COL4A4: variants seen among roughly 807,000 people sequenced by gnomAD.
COL4A4 encodes the protein collagen type IV alpha 4 chain, also known as collagen alpha-4(IV) chain.
A neutral mutation model predicts 192.9 loss-of-function variants in COL4A4; 105 were observed. That is an observed-to-expected ratio of 0.54 (90% CI 0.46 to 0.64). The LOEUF is 0.64. COL4A4 is among the 30% of genes least tolerant of loss of function. The probability of loss-of-function intolerance (pLI) is 0.00; values close to 1 mark genes in which losing one functional copy is unlikely to be tolerated. For missense variants in COL4A4, 1,967 were observed against 2,169.3 expected (o/e 0.91, Z 1.85); for synonymous variants, 762 against 769.9 (o/e 0.99, Z 0.17).
At chr2:227,111,415 A>T (rs966005714) in intron 9 of COL4A4, among the ~76,000 whole-genome samples, 3 of 152,172 alleles carry the variant, frequency 2.0e-5, no homozygotes, top group Non-Finnish European at 2.9e-5. Context: ...TAGAAGACAG[A>T]AGAGGAAGGC....
At chr2:227,146,416 T>C (rs921348267) in intron 2 of COL4A4, among the ~76,000 whole-genome samples, 1 of 152,232 alleles carries the variant, frequency 6.6e-6, no homozygotes, top group African/African-American at 2.4e-5. Flanking sequence ...CCGTAATTTC[T>C]TGTTCATTAT....
chr2:227,049,936 TAAC>T (rs1429006108), intron 34 of COL4A4, 129 bp downstream of exon 34: 15 of 820,210 alleles, frequency 1.8e-5, no homozygotes, highest in Non-Finnish European at 2.7e-5. Flanking sequence ...TTTGACTGTC[TAAC>T]AAGAGCCCCT....
At chr2:227,076,169 C>T (rs2059015198) in intron 25 of COL4A4, among the ~76,000 whole-genome samples, 1 of 152,022 alleles carries the variant, frequency 6.6e-6, no homozygotes, top group Non-Finnish European at 1.5e-5. Context: ...CAAAAAAGAG[C>T]CCATATAGCC....
At chr2:226,991,173 T>G in the COL4A4 span, among the ~76,000 whole-genome samples, 1 of 152,138 alleles carries the variant, frequency 6.6e-6, no homozygotes, top group Non-Finnish European at 1.5e-5. Flanking sequence ...AAGTCACTGG[T>G]TTTGTCATTT....
the COL4A4 span, among the ~76,000 whole-genome samples, chr2:226,973,161 G>C: frequency 1.5e-4 from 23 of 152,126 alleles, no homozygotes; most frequent in Admixed American, 4.6e-4. Context: ...GTGTGTATGT[G>C]TGTGTACGGA....
In COL4A4 at chr2:227,089,944, A is replaced by G; in HGVS notation, c.1383T>C (p.Ser461=). 1 of 1,613,422 alleles carries G rather than the reference A, an allele frequency of 6.2e-7. No homozygotes were observed. The highest frequency in any genetic ancestry group is 8.5e-7 in the Non-Finnish European group (1 of 1,179,548). ...TTCCTTGTGGTCCGGGGTTCCCAAC[A>G]CTACAGTATATCACTGTCAAGGAGG... is the stretch of plus-strand genomic sequence containing the variant. ...GLPGSSVIYC[S]VGNPGPQGIK... Residue 461 remains serine (S), a synonymous_variant, in exon 21 of 48, where the codon AGT becomes AGC. Coordinates refer to ENST00000396625, the MANE Select transcript of COL4A4 (RefSeq NM_000092.5).
At chr2:227,108,799 G>A (rs1576571395) in intron 11 of COL4A4, 34 bp downstream of exon 11, 1 of 1,605,940 alleles carries the variant, frequency 6.2e-7, no homozygotes, top group Non-Finnish European at 8.5e-7. Context: ...ATTGTTCAGG[G>A]CTCTATTGAT....
intron 7 of COL4A4, among the ~76,000 whole-genome samples, chr2:227,117,065 AT>A (rs1298814807): frequency 6.6e-6 from 1 of 152,230 alleles, no homozygotes; most frequent in Non-Finnish European, 1.5e-5. Context: ...TTAACAAAAC[AT>A]TTTAAAAGTC....
At position 227,094,111 on chromosome 2, in the gene COL4A4, A is replaced by G; in HGVS notation, c.1369+14T>C. 1 of 1,611,854 alleles carries G rather than the reference A, an allele frequency of 6.2e-7. No individual in the cohort carries two copies. Among genetic ancestry groups the G allele is most frequent in the Non-Finnish European group, 8.5e-7 (1 of 1,178,282 alleles). ...AGCATAAATGCTAATGGATATGAAT[A>G]AGGAGTACTTTACCACTTGATCCTG... On this transcript the variant is annotated intron_variant, in intron 20 of 47. Coordinates refer to ENST00000396625, the MANE Select transcript of COL4A4 (RefSeq NM_000092.5).
intron 37 of COL4A4, among the ~76,000 whole-genome samples, chr2:227,041,863 AAAGAAAG>A (rs1559478678): frequency 2.1e-4 from 26 of 126,232 alleles, no homozygotes; most frequent in African/African-American, 8.5e-4. Context: ...AGAAAGAAAG[AAAGAAAG>A]AAAGAAAGAA....
At chr2:227,033,681 G>C (rs1968912488) in intron 37 of COL4A4, among the ~76,000 whole-genome samples, 200 bp from the exon 38 acceptor site, 1 of 152,254 alleles carries the variant, frequency 6.6e-6, no homozygotes, top group African/African-American at 2.4e-5. Flanking sequence ...TTTCTGCCAA[G>C]ACAGCTTAAC....
chr2:227,018,664 G>T (rs768549940), intron 44 of COL4A4, among the ~76,000 whole-genome samples: 4 of 152,112 alleles, frequency 2.6e-5, no homozygotes, highest in African/African-American at 4.8e-5. Context: ...GAACGACGGG[G>T]CACTTTTTAA....
intron 4 of COL4A4, among the ~76,000 whole-genome samples, chr2:227,135,570 A>G (rs1214266132): frequency 1.3e-5 from 2 of 151,706 alleles, no homozygotes; most frequent in East Asian, 3.9e-4. Context: ...GGTATGGGAG[A>G]TCCCCCTACA....
intron 1 of COL4A4, among the ~76,000 whole-genome samples, chr2:227,159,530 G>A (rs2064645080): frequency 6.6e-6 from 1 of 152,304 alleles, no homozygotes; most frequent in Non-Finnish European, 1.5e-5. Context: ...GTTTGACTTT[G>A]TGTCCCCACC....
intron 25 of COL4A4, among the ~76,000 whole-genome samples, chr2:227,065,736 A>T (rs191703177): frequency 6.6e-6 from 1 of 152,356 alleles, no homozygotes; most frequent in South Asian, 2.1e-4. Context: ...CATCACCATC[A>T]TCAAAGACCA....
Position 227,030,559 on chromosome 2 carries a change from A to G in COL4A4, c.3857T>C (p.Leu1286Pro). The G allele has an allele frequency of 6.2e-7, 1 of 1,613,960 alleles. No individual in the cohort carries two copies. Among genetic ancestry groups the G allele is most frequent in the Non-Finnish European group, 8.5e-7 (1 of 1,179,920 alleles). ...GPPGLPGSVD[L>P]LRGEPGDCGL... is the part of the protein sequence containing the mutation. ...ACAGTCACCTGGCTCCCCTCTCAGA[A>G]GGTCAACACTCCCAGGGAGGCCTGG... The change falls in exon 41 of 48, where the codon CTT (leucine) becomes CCT (proline). Residue 1286 changes from leucine to proline, a missense_variant. Coordinates refer to ENST00000396625, the MANE Select transcript of COL4A4 (RefSeq NM_000092.5).
chr2:227,158,886 A>G (rs916548167), intron 1 of COL4A4, among the ~76,000 whole-genome samples: 1 of 152,178 alleles, frequency 6.6e-6, no homozygotes, highest in Admixed American at 6.5e-5. Flanking sequence ...GTAGAATAAA[A>G]CCACTTTGGA....
chr2:227,137,519 C>G (rs1326691257), intron 4 of COL4A4, among the ~76,000 whole-genome samples: 1 of 152,176 alleles, frequency 6.6e-6, no homozygotes, highest in East Asian at 1.9e-4. Flanking sequence ...CATCACAGAG[C>G]AGAGGTGAGA....
intron 18 of COL4A4, 45 bp from the exon 19 acceptor site, chr2:227,098,843 A>G (rs1269143511): frequency 2.7e-6 from 4 of 1,458,446 alleles, no homozygotes; most frequent in Non-Finnish European, 3.8e-6. Context: ...TGGTATGTGC[A>G]TTTTAAAATT....
Sources: gnomAD v4.1 joint callset for allele counts (sites outside exome capture counted in the v4.1 genomes callset) on GRCh38, gnomAD v4.1.1 for gene constraint, MANE v1.5 for transcripts, NCBI Gene and HGNC (gene_info 2026-07-23, HGNC 2026-07-21) for gene names.